The following ARHGAP42 variants were observed in gnomAD, a reference collection of about 807,000 sequenced individuals.
The protein encoded by ARHGAP42 is rho GTPase-activating protein 42.
Under a neutral mutation model 125.0 loss-of-function variants are expected in ARHGAP42, and 63 were observed. That is an observed-to-expected ratio of 0.50 (90% CI 0.41 to 0.62). The LOEUF is 0.62. ARHGAP42 is among the 20% of genes least tolerant of loss of function. The pLI is 0.00. For synonymous variants in ARHGAP42, 339 were observed against 351.0 expected (o/e 0.97, Z 0.38); for missense variants, 766 against 1,024.2 (o/e 0.75, Z 3.44).
chr11:100,750,829 A>C (rs186569567), intron 1 of ARHGAP42, among the ~76,000 whole-genome samples: 6 of 152,162 alleles, frequency 3.9e-5, no homozygotes, highest in African/African-American at 1.4e-4. Context: ...ATACTGACAT[A>C]TTGATTCTTT....
intron 6 of ARHGAP42, among the ~76,000 whole-genome samples, chr11:100,932,844 T>C (rs1367640125): frequency 6.6e-6 from 1 of 152,200 alleles, no homozygotes; most frequent in Non-Finnish European, 1.5e-5. Flanking sequence ...GGATCTATGC[T>C]ATTATACTTT....
At chr11:100,687,917 G>T (rs530563236) in intron 1 of ARHGAP42, 85 bp downstream of exon 1, 22 of 1,401,156 alleles carry the variant, frequency 1.6e-5, no homozygotes, top group Middle Eastern at 2.1e-4. Context: ...TGGAGGAGTC[G>T]GAGCTTCTTT....
At chr11:100,859,529 A>G in intron 3 of ARHGAP42, 25 bp from the exon 4 acceptor site, 2 of 1,518,512 alleles carry the variant, frequency 1.3e-6, no homozygotes, top group African/African-American at 1.4e-5. Flanking sequence ...TGCAAGATTT[A>G]ATATATGTGC....
At chr11:100,898,505 G>C (rs779355293) in intron 4 of ARHGAP42, among the ~76,000 whole-genome samples, 3 of 152,124 alleles carry the variant, frequency 2.0e-5, no homozygotes, top group Non-Finnish European at 4.4e-5. Context: ...ATTAATTATT[G>C]CTTCAATTTC....
intron 1 of ARHGAP42, among the ~76,000 whole-genome samples, chr11:100,704,132 G>A (rs1861441540): frequency 6.6e-6 from 1 of 152,196 alleles, no homozygotes; most frequent in Admixed American, 6.5e-5. Context: ...ACATTGAATT[G>A]AGCCTTTTAG....
intron 6 of ARHGAP42, among the ~76,000 whole-genome samples, chr11:100,925,594 C>G (rs1867397286): frequency 6.6e-6 from 1 of 151,416 alleles, no homozygotes; most frequent in South Asian, 2.1e-4. Context: ...AAAAATTAGC[C>G]AGGCGTGGTG....
chr11:100,925,234 C>T (rs564012854), intron 6 of ARHGAP42, among the ~76,000 whole-genome samples: 27 of 152,008 alleles, frequency 1.8e-4, no homozygotes, highest in African/African-American at 5.8e-4. Flanking sequence ...TTTCTAGACC[C>T]ACCATTCTGT....
chr11:100,692,499 A>G (rs1675796857), intron 1 of ARHGAP42, among the ~76,000 whole-genome samples: 1 of 152,074 alleles, frequency 6.6e-6, no homozygotes, highest in African/African-American at 2.4e-5. Flanking sequence ...TCATTTTCTC[A>G]CACTTTTCCC....
rs188542035 is a variant in ARHGAP42, at chr11:100,906,163, C to G, written c.385-7289C>G. 2.7e-4 allele frequency among the ~76,000 whole-genome samples: 41 copies of G among 152,224 alleles called. 1 individual carries two copies. In the East Asian group the frequency reaches 6.2e-3, roughly 23 times the overall value. On this transcript the variant is annotated intron_variant, in intron 4 of 23. Transcript: ENST00000298815. ...TGAAAAAATTCCTGTTTTTTCAGATCTTTTGCCTAACTTCCTTGATTTATT... is the reference window on the plus strand; with the variant it reads ...TGAAAAAATTCCTGTTTTTTCAGATGTTTTGCCTAACTTCCTTGATTTATT...
intron 3 of ARHGAP42, among the ~76,000 whole-genome samples, chr11:100,820,578 G>A (rs998108414): frequency 1.3e-5 from 2 of 152,132 alleles, no homozygotes; most frequent in African/African-American, 4.8e-5. Flanking sequence ...ATAGCTAATA[G>A]ATCAGTTTAT....
chr11:100,702,861 G>A (rs116547904), intron 1 of ARHGAP42, among the ~76,000 whole-genome samples: 5,773 of 151,918 alleles, frequency 0.038, 116 homozygotes, highest in African/African-American at 0.071. Flanking sequence ...TAGTAAAGAC[G>A]GGGTTGGCCA....
chr11:100,921,705 A>G, intron 6 of ARHGAP42, 101 bp downstream of exon 6: 1 of 741,106 alleles, frequency 1.3e-6, no homozygotes, highest in Non-Finnish European at 2.1e-6. Flanking sequence ...GAAAATTATG[A>G]TTGATAAAAA....
At chr11:100,852,686 G>C (rs1321628170) in intron 3 of ARHGAP42, among the ~76,000 whole-genome samples, 1 of 152,140 alleles carries the variant, frequency 6.6e-6, no homozygotes, top group Admixed American at 6.6e-5. Context: ...TGATTTTTGA[G>C]GTGGGAGAAT....
chr11:100,785,538 A>T (rs1197020254), intron 2 of ARHGAP42, among the ~76,000 whole-genome samples: 1 of 152,162 alleles, frequency 6.6e-6, no homozygotes, highest in Non-Finnish European at 1.5e-5. Context: ...TGTGGAAAAG[A>T]GCACTGGGCA....
chr11:100,847,053 G>C (rs1293272308), intron 3 of ARHGAP42, among the ~76,000 whole-genome samples: 1 of 152,112 alleles, frequency 6.6e-6, no homozygotes, highest in African/African-American at 2.4e-5. Context: ...CAGTGACAGT[G>C]GGATGGAACA....
intron 1 of ARHGAP42, among the ~76,000 whole-genome samples, chr11:100,755,066 A>G (rs1245754814): frequency 6.6e-6 from 1 of 152,216 alleles, no homozygotes; most frequent in African/African-American, 2.4e-5. Context: ...ATAGGCTGAC[A>G]TTTATGCTTT....
intron 2 of ARHGAP42, among the ~76,000 whole-genome samples, chr11:100,787,902 T>C (rs1174723935): frequency 6.6e-6 from 1 of 152,206 alleles, no homozygotes; most frequent in Non-Finnish European, 1.5e-5. Flanking sequence ...GATTGGTGTT[T>C]GATTGCTGGA....
At chr11:100,892,584 G>C (rs888598982) in intron 4 of ARHGAP42, among the ~76,000 whole-genome samples, 1 of 152,152 alleles carries the variant, frequency 6.6e-6, no homozygotes, top group African/African-American at 2.4e-5. Flanking sequence ...GATTACATAT[G>C]ATATCTGTCT....
At chr11:100,905,029 C>T (rs1866682406) in intron 4 of ARHGAP42, among the ~76,000 whole-genome samples, 1 of 152,150 alleles carries the variant, frequency 6.6e-6, no homozygotes, top group African/African-American at 2.4e-5. Context: ...ACTTGTGAGC[C>T]AGGTGTCAGC....
Sources: gnomAD v4.1 joint callset for allele counts (sites outside exome capture counted in the v4.1 genomes callset) on GRCh38, gnomAD v4.1.1 for gene constraint, MANE v1.5 for transcripts, NCBI Gene and HGNC (gene_info 2026-07-23, HGNC 2026-07-21) for gene names.